The following FECH variants were observed in gnomAD, a reference collection of about 807,000 sequenced individuals.
FECH encodes the protein ferrochelatase, mitochondrial.
FECH carries 40 observed loss-of-function variants against 56.9 expected under a neutral mutation model. The observed-to-expected ratio is 0.70, with a 90% CI of 0.55 to 0.92. The LOEUF (loss-of-function observed/expected upper bound fraction) is 0.92, where lower values mean the gene tolerates loss of function less well. Ranked by LOEUF, FECH falls within the 40% of genes least tolerant of loss-of-function variation. The pLI is 0.00. For synonymous variants in FECH, 175 were observed against 198.6 expected (o/e 0.88, Z 1.00); for missense variants, 431 against 529.1 (o/e 0.81, Z 1.82).
chr18:57,554,520 C>A (rs964042948), intron 8 of FECH, 96 bp from the exon 9 acceptor site: 3 of 1,283,930 alleles, frequency 2.3e-6, no homozygotes, highest in Non-Finnish European at 3.4e-6. Flanking sequence ...CTGCCCACTG[C>A]GGGCAAGAGC....
At chr18:57,577,879 A>T (rs2051205721) in intron 2 of FECH, among the ~76,000 whole-genome samples, 1 of 151,278 alleles carries the variant, frequency 6.6e-6, no homozygotes, top group Non-Finnish European at 1.5e-5. Flanking sequence ...ACACAGTAAG[A>T]CCTCGTCTCT....
At chr18:57,558,704 A>G (rs1198616921) in intron 7 of FECH, among the ~76,000 whole-genome samples, 1 of 152,130 alleles carries the variant, frequency 6.6e-6, no homozygotes, top group East Asian at 1.9e-4. Flanking sequence ...TGGATCACCT[A>G]AGGTCAGGAG....
At chr18:57,577,478 A>G (rs1599011085) in intron 2 of FECH, among the ~76,000 whole-genome samples, 1 of 152,346 alleles carries the variant, frequency 6.6e-6, no homozygotes, top group East Asian at 1.9e-4. Context: ...GTCCAGCCCA[A>G]GCATTAAGCA....
chr18:57,568,822 T>C (rs956122450), intron 4 of FECH, among the ~76,000 whole-genome samples: 2 of 152,256 alleles, frequency 1.3e-5, no homozygotes, highest in African/African-American at 2.4e-5. Context: ...GTTTGAAATA[T>C]GTAGCAAATG....
At position 57,544,981 on chromosome 18, in the gene FECH, C is replaced by CT. The variant is rs1028179606; in HGVS notation, c.*5730dup. On this transcript the variant is annotated 3_prime_UTR_variant, in exon 11 of 11. Coordinates refer to ENST00000262093, the MANE Select transcript of FECH (RefSeq NM_000140.5). ...CAATCAATTCCATGCCATATATACACTTTTTTTCAGATAAGGAAAAGGTAA... is the reference window on the plus strand; with the variant it reads ...CAATCAATTCCATGCCATATATACACTTTTTTTTCAGATAAGGAAAAGGTAA... Among the ~76,000 whole-genome samples the CT allele has an allele frequency of 6.6e-6, 1 of 152,180 alleles. No individual in the cohort carries two copies. The highest frequency in any genetic ancestry group is 1.5e-5 in the Non-Finnish European group (1 of 68,032).
intron 4 of FECH, among the ~76,000 whole-genome samples, chr18:57,570,441 A>G (rs957809486): frequency 6.6e-6 from 1 of 152,220 alleles, no homozygotes; most frequent in Non-Finnish European, 1.5e-5. Flanking sequence ...GTGCCATGGG[A>G]ACCAGTGGAT....
chr18:57,575,338 C>T (rs2051170178), intron 2 of FECH, among the ~76,000 whole-genome samples: 1 of 152,202 alleles, frequency 6.6e-6, no homozygotes, highest in Non-Finnish European at 1.5e-5. Context: ...CACCAGACTA[C>T]CTCTGACCAC....
chr18:57,569,060 T>C (rs1246811663), intron 4 of FECH, among the ~76,000 whole-genome samples: 1 of 152,214 alleles, frequency 6.6e-6, no homozygotes, highest in African/African-American at 2.4e-5. Context: ...AAGGAACCCA[T>C]ACGCCTATCC....
chr18:57,585,904 C>G (rs2051364694), intron 1 of FECH: 1 of 152,244 alleles, frequency 6.6e-6, no homozygotes, highest in Non-Finnish European at 1.5e-5. Flanking sequence ...CAAGGTGTCA[C>G]AGTTGGAAAT....
At chr18:57,580,582 C>T (rs577253356) in intron 1 of FECH, among the ~76,000 whole-genome samples, 3 of 152,264 alleles carry the variant, frequency 2.0e-5, no homozygotes, top group East Asian at 1.9e-4. Flanking sequence ...CCGCCGATTT[C>T]GGGAGTGGCG....
At chr18:57,561,563 C>T (rs1038955026) in intron 6 of FECH, among the ~76,000 whole-genome samples, 1 of 152,224 alleles carries the variant, frequency 6.6e-6, no homozygotes, top group Non-Finnish European at 1.5e-5. Context: ...TCAATCACAC[C>T]ATCTAGGAGG....
rs2050730399 is a variant in FECH, at chr18:57,547,089, A to T, written c.*3623T>A. The stretch of plus-strand genomic sequence containing the variant: ...TCTCCCATTTGGAATGGGAACATTT[A>T]CCAATGTCTGTACTCCCATTGTATC... On this transcript the variant is annotated 3_prime_UTR_variant, in exon 11 of 11. Coordinates refer to ENST00000262093, the MANE Select transcript of FECH (RefSeq NM_000140.5). Among the ~76,000 whole-genome samples the T allele has an allele frequency of 6.6e-6, 1 of 151,964 alleles. No homozygotes were observed.
chr18:57,575,328 C>T (rs2051170081), intron 2 of FECH, among the ~76,000 whole-genome samples: 1 of 152,366 alleles, frequency 6.6e-6, no homozygotes. Flanking sequence ...GAATCTCCTA[C>T]ACCAGACTAC....
intron 5 of FECH, among the ~76,000 whole-genome samples, chr18:57,563,884 T>C (rs1161997592): frequency 6.6e-6 from 1 of 152,200 alleles, no homozygotes; most frequent in African/African-American, 2.4e-5. Context: ...TTTGTAACTA[T>C]TGTTTGTTTG....
At chr18:57,562,322 T>A (rs2050955736) in intron 6 of FECH, among the ~76,000 whole-genome samples, 1 of 152,206 alleles carries the variant, frequency 6.6e-6, no homozygotes, top group Admixed American at 6.5e-5. Flanking sequence ...TAATTTTAAC[T>A]TATTCTCCTA....
At chr18:57,557,613 T>A (rs2050885266) in intron 7 of FECH, among the ~76,000 whole-genome samples, 1 of 152,074 alleles carries the variant, frequency 6.6e-6, no homozygotes, top group African/African-American at 2.4e-5. Flanking sequence ...CTGGGCAACA[T>A]GGGGAAACCC....
intron 2 of FECH, among the ~76,000 whole-genome samples, chr18:57,577,733 T>A (rs893575539): frequency 2.0e-5 from 3 of 152,224 alleles, no homozygotes; most frequent in Non-Finnish European, 1.5e-5. Flanking sequence ...TCTTGCTAAA[T>A]ACATACAGAG....
At chr18:57,552,239 T>G (rs1167321369) in intron 9 of FECH, among the ~76,000 whole-genome samples, 5 of 152,090 alleles carry the variant, frequency 3.3e-5, no homozygotes, top group African/African-American at 9.7e-5. Flanking sequence ...GGATTGTTTC[T>G]GTACCATCCC....
chr18:57,564,741 C>T (rs1003169214), intron 5 of FECH, among the ~76,000 whole-genome samples: 6 of 152,214 alleles, frequency 3.9e-5, no homozygotes, highest in Admixed American at 3.9e-4. Flanking sequence ...ACCATATTCA[C>T]GTTACAGACC....
Sources: allele counts gnomAD v4.1 joint callset (sites outside exome capture counted in the v4.1 genomes callset), GRCh38; gene constraint gnomAD v4.1.1; transcripts MANE v1.5; gene names NCBI Gene and HGNC (gene_info 2026-07-23, HGNC 2026-07-21).